Variants in JARID2 observed in about 807,000 individuals in gnomAD.
JARID2 encodes the protein protein Jumonji.
Under a neutral mutation model 125.6 loss-of-function variants are expected in JARID2, and 21 were observed. The ratio of observed to expected loss-of-function variants is 0.17; its 90% confidence interval spans 0.12 to 0.24. The LOEUF (loss-of-function observed/expected upper bound fraction) is 0.24, where lower values mean the gene tolerates loss of function less well. Among genes scored for constraint, JARID2 ranks in the 10% least tolerant of loss-of-function variants. The probability of loss-of-function intolerance (pLI) is 1.00; values close to 1 mark genes in which losing one functional copy is unlikely to be tolerated. For synonymous variants in JARID2, 736 were observed against 661.6 expected, an observed-to-expected ratio of 1.11 and a Z score of -1.73; for missense variants, 1,303 against 1,639.6, an observed-to-expected ratio of 0.79 and a Z score of 3.55.
At chr6:15,381,429 G>T (rs1215497750) in intron 2 of JARID2, among the ~76,000 whole-genome samples, 1 of 151,352 alleles carries the variant, frequency 6.6e-6, no homozygotes, top group African/African-American at 2.4e-5. Flanking sequence ...TCTGCAAGCT[G>T]TAGGGAGACC....
chr6:15,456,117 G>A (rs1768164795), intron 4 of JARID2, among the ~76,000 whole-genome samples: 1 of 152,226 alleles, frequency 6.6e-6, no homozygotes, highest in Admixed American at 6.5e-5. Flanking sequence ...CAGTGATTCT[G>A]TGTAGAGAGG....
intron 3 of JARID2, among the ~76,000 whole-genome samples, chr6:15,445,706 G>A (rs1332633808): frequency 1.3e-5 from 2 of 152,120 alleles, no homozygotes; most frequent in South Asian, 2.1e-4. Flanking sequence ...GAGGCCATGT[G>A]GAATACAATG....
intron 1 of JARID2, 22 bp downstream of exon 1, chr6:15,246,606 T>A: frequency 6.3e-7 from 1 of 1,596,284 alleles, no homozygotes; most frequent in Non-Finnish European, 8.6e-7. Flanking sequence ...TAACAACACA[T>A]CCTTTGACTT....
chr6:15,502,266 C>T (rs1770776683), intron 8 of JARID2, among the ~76,000 whole-genome samples: 1 of 152,234 alleles, frequency 6.6e-6, no homozygotes, highest in Admixed American at 6.5e-5. Context: ...TGAAGCAAGG[C>T]TTGGGGTTTC....
At chr6:15,251,976 G>T (rs1015023183) in intron 1 of JARID2, among the ~76,000 whole-genome samples, 1 of 151,946 alleles carries the variant, frequency 6.6e-6, no homozygotes, top group African/African-American at 2.4e-5. Context: ...AACCTGGGAG[G>T]CGGAGGTTGC....
chr6:15,324,210 A>T (rs1280768220), intron 1 of JARID2, among the ~76,000 whole-genome samples: 2 of 151,810 alleles, frequency 1.3e-5, no homozygotes, highest in Non-Finnish European at 2.9e-5. Context: ...AAAAAAAAAA[A>T]GAAAATCCTT....
intron 2 of JARID2, among the ~76,000 whole-genome samples, chr6:15,391,863 G>C (rs1043797128): frequency 6.6e-6 from 1 of 152,228 alleles, no homozygotes; most frequent in African/African-American, 2.4e-5. Flanking sequence ...TTGAAGGCAT[G>C]CTCCTGCTCT....
chr6:15,517,078 C>A (rs868377120), intron 16 of JARID2, 83 bp from the exon 17 acceptor site: 3 of 1,004,514 alleles, frequency 3.0e-6, no homozygotes, highest in African/African-American at 3.2e-5. Context: ...GGTGGCTGCC[C>A]GGCCGGGCGT....
At chr6:15,277,017 A>G (rs1476490926) in intron 1 of JARID2, among the ~76,000 whole-genome samples, 2 of 152,126 alleles carry the variant, frequency 1.3e-5, no homozygotes, top group African/African-American at 4.8e-5. Context: ...CTCCATTCAA[A>G]TTTTCAGTTC....
Position 15,401,570 on chromosome 6 carries a change from CCAT to C in JARID2, c.182-8649_182-8647del, listed in dbSNP as rs1287130656. ...CCATTAATCCTTTCTTTTTCTTCCT[CCAT>C]CATCTTTCCTTGAAAGATGGAGGAA... On this transcript the variant is annotated intron_variant, in intron 2 of 17. Coordinates refer to ENST00000341776, the MANE Select transcript of JARID2 (RefSeq NM_004973.4). Among the ~76,000 whole-genome samples the C allele has an allele frequency of 5.3e-5, 8 of 152,166 alleles. No homozygotes were observed. The East Asian group carries it at 5.8e-4, about 11-fold the overall frequency.
chr6:15,355,022 A>G (rs17637773), intron 1 of JARID2, among the ~76,000 whole-genome samples: 4,811 of 152,240 alleles, frequency 0.032, 123 homozygotes, highest in South Asian at 0.11. Flanking sequence ...AGTCCAGAAG[A>G]ATGTTCATTG....
intron 4 of JARID2, among the ~76,000 whole-genome samples, chr6:15,460,395 A>G (rs1768386391): frequency 1.3e-5 from 2 of 152,160 alleles, no homozygotes; most frequent in East Asian, 1.9e-4. Flanking sequence ...CAGATTCAGT[A>G]GTACTTCTCA....
intron 3 of JARID2, among the ~76,000 whole-genome samples, chr6:15,438,490 T>C (rs957940472): frequency 1.3e-5 from 2 of 152,194 alleles, no homozygotes; most frequent in Non-Finnish European, 1.5e-5. Context: ...TGTAGTTCAT[T>C]TCCATGATTC....
At chr6:15,273,176 G>C (rs1465315030) in intron 1 of JARID2, among the ~76,000 whole-genome samples, 1 of 152,110 alleles carries the variant, frequency 6.6e-6, no homozygotes, top group Non-Finnish European at 1.5e-5. Flanking sequence ...CATCGCAGTT[G>C]CATGTAGTGG....
chr6:15,393,126 T>G lies in JARID2; in HGVS notation c.182-17098T>G, dbSNP rs184709349. On this transcript the variant is annotated intron_variant, in intron 2 of 17. Transcript: ENST00000341776. ...TCCTGTGTATCCCTATGCTCTGTTC[T>G]TGCTTTTGGCAGGAAGTCTTTCTGG... Among the ~76,000 whole-genome samples the G allele has an allele frequency of 3.9e-3, 596 of 152,344 alleles. 4 individuals carry two copies. Among genetic ancestry groups the G allele is most frequent in the Middle Eastern group, 0.024 (7 of 294 alleles).
At chr6:15,446,740 G>T (rs1767685863) in intron 3 of JARID2, among the ~76,000 whole-genome samples, 2 of 152,194 alleles carry the variant, frequency 1.3e-5, no homozygotes, top group Admixed American at 1.3e-4. Flanking sequence ...ACTCAGCGGG[G>T]CTGATTTTGG....
At chr6:15,512,509 A>G (rs1246310729) in intron 14 of JARID2, 119 bp downstream of exon 14, 4 of 960,690 alleles carry the variant, frequency 4.2e-6, no homozygotes, top group African/African-American at 1.6e-5. Context: ...TCCTTTTGGA[A>G]TATGTCTTTG....
intron 1 of JARID2, among the ~76,000 whole-genome samples, chr6:15,326,288 C>T (rs768945242): frequency 1.4e-4 from 21 of 152,230 alleles, no homozygotes; most frequent in Non-Finnish European, 2.6e-4. Flanking sequence ...TCACTGTGAC[C>T]TCAAACACCT....
At chr6:15,501,756 C>T (rs932946319) in intron 8 of JARID2, among the ~76,000 whole-genome samples, 1 of 152,168 alleles carries the variant, frequency 6.6e-6, no homozygotes, top group Non-Finnish European at 1.5e-5. Flanking sequence ...CGAGTCCATT[C>T]CGCCTGCCTA....
Sources: allele counts gnomAD v4.1 joint callset (sites outside exome capture counted in the v4.1 genomes callset), GRCh38; gene constraint gnomAD v4.1.1; transcripts MANE v1.5; gene names NCBI Gene and HGNC (gene_info 2026-07-23, HGNC 2026-07-21).